The following NEGR1 variants were observed in gnomAD, a reference collection of about 807,000 sequenced individuals.
NEGR1 encodes the protein neuronal growth regulator 1, also known as IgLON family member 4.
Under a neutral mutation model 40.9 loss-of-function variants are expected in NEGR1, and 10 were observed. The ratio of observed to expected loss-of-function variants is 0.24; its 90% confidence interval spans 0.15 to 0.42. The LOEUF is 0.42. Ranked by LOEUF, NEGR1 falls within the 10% of genes least tolerant of loss-of-function variation. NEGR1 has a pLI of 1.00. For missense variants in NEGR1, 352 were observed against 438.9 expected (o/e 0.80, Z 1.77); for synonymous variants, 185 against 166.8 (o/e 1.11, Z -0.84).
intron 6 of NEGR1, among the ~76,000 whole-genome samples, chr1:71,424,768 A>T (rs1646418856): frequency 6.6e-6 from 1 of 152,164 alleles, no homozygotes; most frequent in East Asian, 1.9e-4. Flanking sequence ...CTGACAGCCA[A>T]CAAGAAAATG....
chr1:71,999,676 T>TATATATATATAC (rs1553129022), intron 1 of NEGR1, among the ~76,000 whole-genome samples: 10 of 52,170 alleles, frequency 1.9e-4, no homozygotes, highest in Non-Finnish European at 3.2e-4. Context: ...TATATATATA[T>TATATATATATAC]ATACATACAT....
chr1:71,433,868 T>C (rs558427020), intron 6 of NEGR1, among the ~76,000 whole-genome samples: 1 of 152,368 alleles, frequency 6.6e-6, no homozygotes, highest in South Asian at 2.1e-4. Context: ...TATTTCTCTA[T>C]GTTTCAAAAT....
At chr1:71,465,808 T>C (rs1013024898) in intron 6 of NEGR1, among the ~76,000 whole-genome samples, 1 of 151,986 alleles carries the variant, frequency 6.6e-6, no homozygotes, top group African/African-American at 2.4e-5. Flanking sequence ...AGCTGTACTT[T>C]AGGAAGATGA....
chr1:72,056,220 A>G (rs115741360), intron 1 of NEGR1, among the ~76,000 whole-genome samples: 1,712 of 151,336 alleles, frequency 0.011, 30 homozygotes, highest in African/African-American at 0.039. Context: ...GTTAACCAAA[A>G]TTTTCTTTTT....
chr1:71,903,467 A>T (rs1661195100), intron 2 of NEGR1, among the ~76,000 whole-genome samples: 1 of 151,980 alleles, frequency 6.6e-6, no homozygotes, highest in African/African-American at 2.4e-5. Flanking sequence ...ATTTTAACTA[A>T]GATATTTATA....
intron 3 of NEGR1, among the ~76,000 whole-genome samples, chr1:71,731,591 C>CT (rs1654869721): frequency 1.3e-5 from 2 of 152,128 alleles, no homozygotes; most frequent in East Asian, 1.9e-4. Flanking sequence ...CAAGATTTTT[C>CT]TTTTTTTAAA....
chr1:71,921,449 G>A (rs1337890045), intron 2 of NEGR1, among the ~76,000 whole-genome samples: 1 of 151,926 alleles, frequency 6.6e-6, no homozygotes, highest in Non-Finnish European at 1.5e-5. Context: ...GACACAGCAG[G>A]ACCAACCCCT....
At position 72,257,789 on chromosome 1, in the gene NEGR1, T is replaced by C. The variant is rs554346934; in HGVS notation, c.176+24530A>G. ...AATTACTTACCTGATCATTCTTCCC[T>C]TGGAATCAAACCCTGTGAAGATCAG... On this transcript the variant is annotated intron_variant, in intron 1 of 6. Transcript: ENST00000357731. Among the ~76,000 whole-genome samples, 24 of 152,256 alleles carry C rather than the reference T, an allele frequency of 1.6e-4. No individual in the cohort carries two copies. In the East Asian group the frequency reaches 4.3e-3, roughly 27 times the overall value.
chr1:72,103,631 C>T (rs928324919), intron 1 of NEGR1, among the ~76,000 whole-genome samples: 1 of 152,028 alleles, frequency 6.6e-6, no homozygotes, highest in Admixed American at 6.6e-5. Flanking sequence ...GCTACGTTTT[C>T]CCTGGACTCA....
At chr1:71,570,272 A>G (rs1648767971) in intron 6 of NEGR1, among the ~76,000 whole-genome samples, 1 of 152,184 alleles carries the variant, frequency 6.6e-6, no homozygotes, top group Non-Finnish European at 1.5e-5. Context: ...TTGACAAGTG[A>G]CAGATGGTTA....
chr1:72,156,971 T>TGTC (rs1557554820), intron 1 of NEGR1, among the ~76,000 whole-genome samples: 53 of 148,734 alleles, frequency 3.6e-4, no homozygotes, highest in East Asian at 1.2e-3. Context: ...TGTTGTCTGT[T>TGTC]TGTGTGTTTT....
chr1:71,862,163 T>C (rs1012092757), intron 2 of NEGR1, among the ~76,000 whole-genome samples: 1 of 152,122 alleles, frequency 6.6e-6, no homozygotes, highest in South Asian at 2.1e-4. Flanking sequence ...CTTCCTATCA[T>C]TAAAAACAAA....
intron 2 of NEGR1, among the ~76,000 whole-genome samples, chr1:71,852,033 T>A (rs1659619571): frequency 6.6e-6 from 1 of 152,188 alleles, no homozygotes; most frequent in Non-Finnish European, 1.5e-5. Flanking sequence ...CAGAAAATAC[T>A]GTATTTGAAT....
chr1:71,608,400 G>GA (rs377523398), intron 5 of NEGR1, among the ~76,000 whole-genome samples: 2,046 of 146,780 alleles, frequency 0.014, 55 homozygotes, highest in African/African-American at 0.046. Context: ...TCTACAGTAG[G>GA]AAAAAAAAAA....
At chr1:72,012,842 C>CATATATATATATATATATAT (rs375131531) in intron 1 of NEGR1, among the ~76,000 whole-genome samples, 31 of 140,180 alleles carry the variant, frequency 2.2e-4, no homozygotes, top group South Asian at 1.8e-3. Context: ...TATATACATA[C>CATATATATATATATATATAT]ATATATATAT....
chr1:72,122,914 AT>A (rs1225202695), intron 1 of NEGR1, among the ~76,000 whole-genome samples: 3 of 151,934 alleles, frequency 2.0e-5, no homozygotes, highest in Non-Finnish European at 4.4e-5. Context: ...ACAACTCTAT[AT>A]TCCATAACGG....
intron 1 of NEGR1, among the ~76,000 whole-genome samples, chr1:72,107,474 A>G (rs1649182790): frequency 6.6e-6 from 1 of 151,584 alleles, no homozygotes; most frequent in African/African-American, 2.4e-5. Context: ...CTTAAACCCA[A>G]GTTTGTTATG....
chr1:72,165,413 A>G (rs1363471459), intron 1 of NEGR1, among the ~76,000 whole-genome samples: 1 of 152,048 alleles, frequency 6.6e-6, no homozygotes, highest in East Asian at 1.9e-4. Context: ...AGTTGCTATC[A>G]GCAGTTTTAG....
At position 72,274,688 on chromosome 1, in the gene NEGR1, C is replaced by G. The variant is rs1300094930; in HGVS notation, c.176+7631G>C. 4 of 967,382 alleles carry G rather than the reference C, an allele frequency of 4.1e-6. No individual in the cohort carries two copies. In the Admixed American group the frequency reaches 6.8e-5, roughly 16 times the overall value. 59.9% of individuals were successfully genotyped at this position (967,382 alleles called of 1,614,324 possible). A position where few individuals can be genotyped will look rare whatever the true frequency, so the allele number is the denominator to read the frequency against. On this transcript the variant is annotated intron_variant, in intron 1 of 6. Transcript: ENST00000357731. ...GGAGGTACCTATATGCTGAAAAAAC[C>G]CATTGAAGAAATCATTGTGCAGAAT... is the stretch of plus-strand genomic sequence containing the variant.
Sources: gnomAD v4.1 joint callset for allele counts (sites outside exome capture counted in the v4.1 genomes callset) on GRCh38, gnomAD v4.1.1 for gene constraint, MANE v1.5 for transcripts, NCBI Gene and HGNC (gene_info 2026-07-23, HGNC 2026-07-21) for gene names.